Variants in KIAA1217 observed in about 807,000 individuals in gnomAD.
The protein encoded by KIAA1217 is KIAA1217, also known as sickle tail protein homolog.
Under a neutral mutation model 163.9 loss-of-function variants are expected in KIAA1217, and 88 were observed. The observed-to-expected ratio is 0.54, with a 90% CI of 0.45 to 0.64. The LOEUF (loss-of-function observed/expected upper bound fraction) is 0.64, where lower values mean the gene tolerates loss of function less well. Ranked by LOEUF, KIAA1217 falls within the 30% of genes least tolerant of loss-of-function variation. The pLI, the probability that KIAA1217 is intolerant of heterozygous loss-of-function variation, is 0.00. For synonymous variants in KIAA1217, 903 were observed against 923.1 expected (o/e 0.98, Z 0.39); for missense variants, 2,372 against 2,475.0 (o/e 0.96, Z 0.88).
At chr10:23,992,103 A>G (rs1431968407) in intron 1 of KIAA1217, among the ~76,000 whole-genome samples, 2 of 152,196 alleles carry the variant, frequency 1.3e-5, no homozygotes, top group African/African-American at 4.8e-5. Context: ...CTGTAACACC[A>G]TAAAAGAATA....
intron 2 of KIAA1217, among the ~76,000 whole-genome samples, chr10:24,084,307 G>A (rs565435219): frequency 1.3e-5 from 2 of 152,274 alleles, no homozygotes; most frequent in South Asian, 2.1e-4. Context: ...TAAGCCCCAC[G>A]TGGGCAAGGA....
At chr10:24,494,667 T>A (rs773201062) in intron 7 of KIAA1217, 63 bp downstream of exon 7, 31 of 1,101,138 alleles carry the variant, frequency 2.8e-5, no homozygotes, top group Admixed American at 1.0e-4. Context: ...ATCATTAAGA[T>A]AATTCATTCA....
intron 13 of KIAA1217, 48 bp from the exon 14 acceptor site, chr10:24,527,888 C>A: frequency 1.4e-6 from 2 of 1,477,788 alleles, no homozygotes; most frequent in South Asian, 1.2e-5. Context: ...GTCCGTTGTT[C>A]TCCTCTATGT....
At chr10:23,790,172 C>CACAT (rs1835709486) in intron 1 of KIAA1217, among the ~76,000 whole-genome samples, 9 of 62,694 alleles carry the variant, frequency 1.4e-4, no homozygotes, top group East Asian at 1.4e-3. Flanking sequence ...CACATATACA[C>CACAT]ATATGCATAT....
intron 3 of KIAA1217, among the ~76,000 whole-genome samples, chr10:24,428,622 A>G (rs2131692567): frequency 6.6e-6 from 1 of 152,346 alleles, no homozygotes; most frequent in East Asian, 1.9e-4. Flanking sequence ...TCAATGACTA[A>G]TAAATCATTC....
intron 1 of KIAA1217, among the ~76,000 whole-genome samples, chr10:23,898,016 G>C (rs1002173231): frequency 6.6e-6 from 1 of 151,974 alleles, no homozygotes; most frequent in Admixed American, 6.6e-5. Flanking sequence ...AATAGTGAGT[G>C]TTAGGAGAGA....
intron 1 of KIAA1217, among the ~76,000 whole-genome samples, chr10:23,750,835 G>A (rs1374880506): frequency 1.3e-5 from 2 of 152,052 alleles, no homozygotes; most frequent in Non-Finnish European, 2.9e-5. Flanking sequence ...CATTAATATG[G>A]TCAAGTACTT....
intron 17 of KIAA1217, among the ~76,000 whole-genome samples, chr10:24,538,725 G>T (rs906576592): frequency 3.6e-5 from 4 of 112,168 alleles, no homozygotes; most frequent in Non-Finnish European, 3.7e-5. Context: ...GATTTTTATT[G>T]TTTTTGGTTT....
chr10:23,760,983 G>A (rs532077646), intron 1 of KIAA1217, among the ~76,000 whole-genome samples: 6 of 152,300 alleles, frequency 3.9e-5, no homozygotes, highest in African/African-American at 1.2e-4. Flanking sequence ...GGGCATGGCA[G>A]TGCAGGCCTG....
At chr10:23,890,960 T>C (rs1478220144) in intron 1 of KIAA1217, among the ~76,000 whole-genome samples, 1 of 151,998 alleles carries the variant, frequency 6.6e-6, no homozygotes, top group Non-Finnish European at 1.5e-5. Flanking sequence ...GTCTTTCTGA[T>C]AAATTTCCTT....
At chr10:24,058,838 A>T (rs1334243847) in intron 2 of KIAA1217, among the ~76,000 whole-genome samples, 1 of 151,996 alleles carries the variant, frequency 6.6e-6, no homozygotes, top group Non-Finnish European at 1.5e-5. Flanking sequence ...GCAGAGGAGG[A>T]TAACTTTACT....
At chr10:24,244,278 G>A (rs1349831877) in intron 2 of KIAA1217, among the ~76,000 whole-genome samples, 1 of 152,202 alleles carries the variant, frequency 6.6e-6, no homozygotes, top group Non-Finnish European at 1.5e-5. Flanking sequence ...GAGGTAGAGA[G>A]CAGAGAGTTC....
chr10:24,522,878 G>C (rs148676715), intron 12 of KIAA1217, among the ~76,000 whole-genome samples: 4,520 of 152,286 alleles, frequency 0.03, 174 homozygotes, highest in African/African-American at 0.1. Flanking sequence ...GGGAGGCTGA[G>C]GGAGGAGAAT....
At chr10:24,395,400 G>T (rs953697252) in intron 3 of KIAA1217, among the ~76,000 whole-genome samples, 1 of 152,112 alleles carries the variant, frequency 6.6e-6, no homozygotes, top group African/African-American at 2.4e-5. Flanking sequence ...TTCATTCAAG[G>T]ATTTCCCACA....
intron 2 of KIAA1217, among the ~76,000 whole-genome samples, chr10:24,323,766 G>A (rs1383098831): frequency 6.7e-6 from 1 of 149,644 alleles, no homozygotes; most frequent in Non-Finnish European, 1.5e-5. Flanking sequence ...GGAATTTGAA[G>A]ACAATGCCCA....
At chr10:23,966,633 C>G (rs1845079247) in intron 1 of KIAA1217, among the ~76,000 whole-genome samples, 2 of 152,350 alleles carry the variant, frequency 1.3e-5, no homozygotes, top group East Asian at 3.9e-4. Context: ...CTCTGGCATA[C>G]AGTCAATACT....
chr10:24,330,053 A>G (rs1947571454), intron 2 of KIAA1217, among the ~76,000 whole-genome samples: 1 of 152,034 alleles, frequency 6.6e-6, no homozygotes, highest in South Asian at 2.1e-4. Context: ...TAATCCCAGC[A>G]CTTTGGGAGG....
intron 2 of KIAA1217, among the ~76,000 whole-genome samples, chr10:24,126,750 C>T (rs1377841491): frequency 1.3e-5 from 2 of 152,004 alleles, no homozygotes; most frequent in Non-Finnish European, 2.9e-5. Context: ...CTTCCCTTCA[C>T]TTGGCATCTA....
chr10:24,395,816 G>A (rs1448840503), intron 3 of KIAA1217, among the ~76,000 whole-genome samples: 1 of 152,112 alleles, frequency 6.6e-6, no homozygotes, highest in African/African-American at 2.4e-5. Context: ...GACTATAGGT[G>A]TGTACTATCA....
Sources: allele counts gnomAD v4.1 joint callset (sites outside exome capture counted in the v4.1 genomes callset), GRCh38; gene constraint gnomAD v4.1.1; transcripts MANE v1.5; gene names NCBI Gene and HGNC (gene_info 2026-07-23, HGNC 2026-07-21).